Variants in PPP1R12A observed in about 807,000 individuals in gnomAD.
The protein encoded by PPP1R12A is myosin binding subunit.
PPP1R12A carries 19 observed loss-of-function variants against 139.6 expected under a neutral mutation model. That is an observed-to-expected ratio of 0.14 (90% CI 0.09 to 0.20). PPP1R12A has a LOEUF of 0.20. Among genes scored for constraint, PPP1R12A ranks in the 10% least tolerant of loss-of-function variants. The pLI, the probability that PPP1R12A is intolerant of heterozygous loss-of-function variation, is 1.00. For synonymous variants in PPP1R12A, 427 were observed against 420.6 expected (o/e 1.02, Z -0.19); for missense variants, 925 against 1,211.5 (o/e 0.76, Z 3.51).
At chr12:79,808,462 A>T (rs1005886745) in intron 11 of PPP1R12A, 21 bp downstream of exon 11, 34 of 1,505,822 alleles carry the variant, frequency 2.3e-5, no homozygotes, top group Non-Finnish European at 2.9e-5. Context: ...GAATGCATAA[A>T]GCAAATCAAA....
chr12:79,847,668 A>T (rs1003094344), intron 2 of PPP1R12A, among the ~76,000 whole-genome samples: 2 of 152,150 alleles, frequency 1.3e-5, no homozygotes, highest in African/African-American at 4.8e-5. Context: ...CTAGTAAGAC[A>T]GTCAGATTAA....
chr12:79,842,708 CTTTTT>C (rs1002284417), intron 3 of PPP1R12A, among the ~76,000 whole-genome samples: 6 of 147,780 alleles, frequency 4.1e-5, no homozygotes, highest in African/African-American at 1.5e-4. Flanking sequence ...ACCATCTTAA[CTTTTT>C]TTTTTGTTTT....
At chr12:79,907,514 TA>T (rs1295614620) in intron 1 of PPP1R12A, among the ~76,000 whole-genome samples, 1 of 152,194 alleles carries the variant, frequency 6.6e-6, no homozygotes, top group East Asian at 1.9e-4. Context: ...AAGAACTTGA[TA>T]AACAGAGCAA....
chr12:79,836,026 T>C (rs1184616193), intron 3 of PPP1R12A, among the ~76,000 whole-genome samples: 1 of 152,214 alleles, frequency 6.6e-6, no homozygotes, highest in African/African-American at 2.4e-5. Flanking sequence ...ATTACACATG[T>C]ATAGAAAAAG....
At chr12:79,928,834 G>GA (rs1249001355) in intron 1 of PPP1R12A, among the ~76,000 whole-genome samples, 1 of 152,156 alleles carries the variant, frequency 6.6e-6, no homozygotes, top group East Asian at 1.9e-4. Context: ...ATTTTACAAA[G>GA]ATGCTTAAAA....
chr12:79,821,717 T>A (rs1264603334), intron 6 of PPP1R12A, among the ~76,000 whole-genome samples: 1 of 150,594 alleles, frequency 6.6e-6, no homozygotes, highest in Non-Finnish European at 1.5e-5. Context: ...CGCGCCACTG[T>A]ACTCTAGCCT....
intron 1 of PPP1R12A, among the ~76,000 whole-genome samples, chr12:79,923,074 A>G (rs1887568364): frequency 6.6e-6 from 1 of 152,122 alleles, no homozygotes; most frequent in African/African-American, 2.4e-5. Context: ...CAGGAGTTCA[A>G]GACCAGCCTG....
At chr12:79,802,955 T>C (rs1873373794) in intron 14 of PPP1R12A, among the ~76,000 whole-genome samples, 2 of 152,166 alleles carry the variant, frequency 1.3e-5, no homozygotes, top group Non-Finnish European at 1.5e-5. Flanking sequence ...TTTAGTACCA[T>C]GGCAAATAGT....
intron 1 of PPP1R12A, among the ~76,000 whole-genome samples, chr12:79,927,529 T>G (rs1026982058): frequency 3.3e-5 from 5 of 152,230 alleles, no homozygotes; most frequent in African/African-American, 1.2e-4. Flanking sequence ...GATTTTCAGC[T>G]AATTTACAGA....
intron 14 of PPP1R12A, among the ~76,000 whole-genome samples, chr12:79,801,015 G>A (rs546926378): frequency 3.2e-4 from 49 of 151,572 alleles, no homozygotes; most frequent in African/African-American, 1.1e-3. Flanking sequence ...TTACAGGCAT[G>A]AGCCACTGTG....
chr12:79,902,583 T>C (rs1044683949), intron 1 of PPP1R12A, among the ~76,000 whole-genome samples: 5 of 152,176 alleles, frequency 3.3e-5, no homozygotes, highest in Non-Finnish European at 1.5e-5. Flanking sequence ...AAAAAAAAAT[T>C]TTTTTAATTT....
intron 2 of PPP1R12A, among the ~76,000 whole-genome samples, chr12:79,863,598 G>A (rs1467682403): frequency 8.1e-6 from 1 of 123,670 alleles, no homozygotes; most frequent in Non-Finnish European, 1.6e-5. Context: ...ACACATATAG[G>A]CTCAAAATAG....
intron 20 of PPP1R12A, 79 bp downstream of exon 20, chr12:79,790,388 C>T (rs1030837231): frequency 1.2e-5 from 12 of 1,009,380 alleles, no homozygotes; most frequent in East Asian, 5.6e-5. Flanking sequence ...CTTACAAAAT[C>T]CATAAATTCC....
At chr12:79,933,142 T>C (rs1565824131) in intron 1 of PPP1R12A, among the ~76,000 whole-genome samples, 1 of 152,244 alleles carries the variant, frequency 6.6e-6, no homozygotes, top group Non-Finnish European at 1.5e-5. Flanking sequence ...AAAAGTTTGC[T>C]ATGCATTAGA....
intron 1 of PPP1R12A, among the ~76,000 whole-genome samples, chr12:79,891,529 T>C (rs531258258): frequency 6.6e-6 from 1 of 152,190 alleles, no homozygotes. Flanking sequence ...AATTGAAGAA[T>C]GTAAAATACC....
At chr12:79,832,954 A>G (rs771865422) in intron 3 of PPP1R12A, among the ~76,000 whole-genome samples, 2 of 152,134 alleles carry the variant, frequency 1.3e-5, no homozygotes, top group Non-Finnish European at 2.9e-5. Flanking sequence ...CATACCTTAA[A>G]ATAGATTATT....
intron 1 of PPP1R12A, among the ~76,000 whole-genome samples, chr12:79,905,046 G>A (rs1296323945): frequency 6.6e-6 from 1 of 152,064 alleles, no homozygotes; most frequent in East Asian, 1.9e-4. Flanking sequence ...TTCATGCATG[G>A]CTTGGTTAAT....
At chr12:79,879,843 C>G (rs1225671927) in intron 1 of PPP1R12A, among the ~76,000 whole-genome samples, 2 of 151,186 alleles carry the variant, frequency 1.3e-5, no homozygotes, top group African/African-American at 4.9e-5. Flanking sequence ...TATACTTTAC[C>G]AATGTAAATT....
chr12:79,862,693 C>T (rs1467600143), intron 2 of PPP1R12A, among the ~76,000 whole-genome samples: 1 of 151,818 alleles, frequency 6.6e-6, no homozygotes, highest in Non-Finnish European at 1.5e-5. Flanking sequence ...ATAGCCAATT[C>T]GATCAGGCAG....
Sources: allele counts gnomAD v4.1 joint callset (sites outside exome capture counted in the v4.1 genomes callset), GRCh38; gene constraint gnomAD v4.1.1; transcripts MANE v1.5; gene names NCBI Gene and HGNC (gene_info 2026-07-23, HGNC 2026-07-21).